Variants in LTBP1 observed in about 807,000 individuals in gnomAD.
The protein encoded by LTBP1 is latent-transforming growth factor beta-binding protein 1.
In LTBP1, 129 loss-of-function variants were observed where a neutral mutation model predicts 207.6. The ratio of observed to expected loss-of-function variants is 0.62; its 90% CI spans 0.54 to 0.72. LTBP1 has a LOEUF of 0.72. Among genes scored for constraint, LTBP1 ranks in the 30% least tolerant of loss-of-function variants. The pLI is 0.00. For missense variants in LTBP1, 2,281 were observed against 2,217.2 expected (o/e 1.03, Z -0.58); for synonymous variants, 963 against 833.7 (o/e 1.16, Z -2.67).
chr2:33,314,077 CA>C (rs2094226677), intron 23 of LTBP1, among the ~76,000 whole-genome samples: 1 of 152,186 alleles, frequency 6.6e-6, no homozygotes, highest in Non-Finnish European at 1.5e-5. Context: ...AGCACAATTA[CA>C]CTGAGGACAA....
intron 3 of LTBP1, among the ~76,000 whole-genome samples, chr2:33,090,773 T>G (rs988845839): frequency 1.3e-5 from 2 of 152,172 alleles, no homozygotes; most frequent in African/African-American, 4.8e-5. Context: ...AACTCTAAAG[T>G]CCAACTATAA....
chr2:33,086,636 T>C (rs1353506874), intron 3 of LTBP1, among the ~76,000 whole-genome samples: 1 of 152,244 alleles, frequency 6.6e-6, no homozygotes, highest in African/African-American at 2.4e-5. Context: ...GTAAGACTTC[T>C]GGGCAGCACC....
chr2:33,079,879 A>T (rs192093750), intron 3 of LTBP1, among the ~76,000 whole-genome samples: 51 of 152,226 alleles, frequency 3.4e-4, no homozygotes, highest in African/African-American at 1.1e-3. Context: ...TTCTTAATCC[A>T]TATGCTTCTT....
chr2:33,058,067 G>C (rs1473711780), intron 3 of LTBP1, among the ~76,000 whole-genome samples: 1 of 152,218 alleles, frequency 6.6e-6, no homozygotes, highest in Non-Finnish European at 1.5e-5. Flanking sequence ...TCTCTCTTTG[G>C]TTTCCAATTA....
intron 26 of LTBP1, among the ~76,000 whole-genome samples, chr2:33,356,385 G>T (rs1217635622): frequency 6.6e-6 from 1 of 152,136 alleles, no homozygotes; most frequent in Admixed American, 6.5e-5. Context: ...CAAGCTTTAA[G>T]ATCAGAAATG....
rs368475003 is a variant in LTBP1, at chr2:33,163,864, TG to T, written c.1202-22989del. Reference sequence around the variant, plus strand: ...AGACTAGAATGGCCATATCATTAACTGGGTCATAATTTTATGGAAAAAAGCT... The same window carrying T: ...AGACTAGAATGGCCATATCATTAACTGGTCATAATTTTATGGAAAAAAGCT... On this transcript the variant is annotated intron_variant, in intron 5 of 33. Transcript: ENST00000404816. 4.7e-3 allele frequency among the ~76,000 whole-genome samples: 713 copies of T among 152,296 alleles called. 2 individuals are homozygous for T. Among genetic ancestry groups the T allele is most frequent in the Admixed American group, 8.0e-3 (122 of 15,292 alleles).
At chr2:33,004,816 A>ATATATAT (rs1558501569) in intron 2 of LTBP1, among the ~76,000 whole-genome samples, 68 of 72,038 alleles carry the variant, frequency 9.4e-4, no homozygotes, top group East Asian at 2.3e-3. Context: ...TATATATATA[A>ATATATAT]ACATAAAATT....
intron 2 of LTBP1, among the ~76,000 whole-genome samples, chr2:33,014,349 G>A (rs1688058722): frequency 6.6e-6 from 1 of 152,126 alleles, no homozygotes; most frequent in Non-Finnish European, 1.5e-5. Flanking sequence ...TTTGGTACAA[G>A]GAGCAAGCAG....
intron 2 of LTBP1, among the ~76,000 whole-genome samples, chr2:32,971,106 T>A (rs540068953): frequency 6.6e-6 from 1 of 152,036 alleles, no homozygotes; most frequent in East Asian, 1.9e-4. Flanking sequence ...ATGTTGTTGG[T>A]GTATAGAAAT....
intron 5 of LTBP1, among the ~76,000 whole-genome samples, chr2:33,136,233 G>A (rs1035783462): frequency 3.3e-5 from 5 of 152,184 alleles, no homozygotes; most frequent in African/African-American, 9.7e-5. Context: ...TAGCCATTAG[G>A]TGCCAAATGG....
At chr2:32,996,600 C>CAACAG (rs1685313962) in intron 2 of LTBP1, among the ~76,000 whole-genome samples, 1 of 152,144 alleles carries the variant, frequency 6.6e-6, no homozygotes, top group African/African-American at 2.4e-5. Flanking sequence ...GTGGTTGCTG[C>CAACAG]TGTTGTCTGC....
chr2:33,288,986 G>A (rs1467457362), intron 19 of LTBP1, among the ~76,000 whole-genome samples: 1 of 152,166 alleles, frequency 6.6e-6, no homozygotes, highest in Non-Finnish European at 1.5e-5. Flanking sequence ...TTTTAAAAAG[G>A]AAGTGATGAT....
chr2:33,112,454 G>A (rs147616660), intron 4 of LTBP1, among the ~76,000 whole-genome samples: 2 of 152,306 alleles, frequency 1.3e-5, no homozygotes, highest in African/African-American at 4.8e-5. Context: ...TACATAGTAA[G>A]GAGCTAGTAA....
intron 5 of LTBP1, among the ~76,000 whole-genome samples, chr2:33,158,752 T>C (rs1447650851): frequency 6.6e-6 from 1 of 152,232 alleles, no homozygotes; most frequent in East Asian, 1.9e-4. Context: ...CTCAAGTCTC[T>C]TGGCAATAAC....
At chr2:33,225,023 A>T (rs2091351888) in intron 9 of LTBP1, among the ~76,000 whole-genome samples, 1 of 152,174 alleles carries the variant, frequency 6.6e-6, no homozygotes, top group African/African-American at 2.4e-5. Context: ...AATGTAAATA[A>T]AAGGCTGTAA....
At chr2:33,263,526 T>G (rs901060471) in intron 15 of LTBP1, 134 bp downstream of exon 15, 5 of 584,904 alleles carry the variant, frequency 8.5e-6, no homozygotes, top group African/African-American at 1.8e-5. Flanking sequence ...GGAAATCATC[T>G]AAATACAGTT....
At chr2:33,375,884 A>G (rs1291315951) in intron 31 of LTBP1, among the ~76,000 whole-genome samples, 1 of 151,882 alleles carries the variant, frequency 6.6e-6, no homozygotes, top group Non-Finnish European at 1.5e-5. Flanking sequence ...CAATTTTTAA[A>G]TGTTAAAACC....
chr2:33,014,978 G>A (rs970932026), intron 2 of LTBP1, among the ~76,000 whole-genome samples: 1 of 151,754 alleles, frequency 6.6e-6, no homozygotes, highest in African/African-American at 2.4e-5. Context: ...CGCTGTCTTG[G>A]TGGCAGTTTT....
intron 31 of LTBP1, among the ~76,000 whole-genome samples, chr2:33,368,442 G>T (rs757898526): frequency 1.1e-4 from 16 of 152,122 alleles, no homozygotes; most frequent in Non-Finnish European, 1.8e-4. Context: ...GTATCTTTTG[G>T]ATATAATGAC....
Sources: gnomAD v4.1 joint callset for allele counts (sites outside exome capture counted in the v4.1 genomes callset) on GRCh38, gnomAD v4.1.1 for gene constraint, MANE v1.5 for transcripts, NCBI Gene and HGNC (gene_info 2026-07-23, HGNC 2026-07-21) for gene names.